The following CIC variants were observed in gnomAD, a reference collection of about 807,000 sequenced individuals.
CIC encodes capicua transcriptional repressor.
Under a neutral mutation model 115.7 loss-of-function variants are expected in CIC, and 18 were observed. The ratio of observed to expected loss-of-function variants is 0.16; its 90% CI spans 0.11 to 0.23. The LOEUF (loss-of-function observed/expected upper bound fraction) is 0.23. CIC is among the 10% of genes least tolerant of loss of function. CIC has a pLI of 1.00. For missense variants in CIC, 2,000 were observed against 2,159.3 expected (o/e 0.93, Z 1.46); for synonymous variants, 1,076 against 923.0 (o/e 1.17, Z -3.01).
chr19:42,289,239 C>T lies in CIC; in HGVS notation c.3920C>T (p.Pro1307Leu), dbSNP rs774267914. The change falls in exon 9 of 21, where the codon CCA becomes CTA. Residue 1307 changes from proline to leucine, a missense_variant. Around this residue, in one of 8 missense-constraint regions of CIC, gnomAD observed 1,466 missense variants for 1,390.4 expected, o/e 1.05. Coordinates refer to ENST00000681038, the MANE Select transcript of CIC (RefSeq NM_001386298.1). ...GPKPSTQYGA[P>L]GPFAAPGEGG... Reference sequence around the variant, plus strand: ...AAGCCTTCTACCCAGTATGGAGCTCCAGGACCCTTTGCAGCCCCTGGTGAG... The same window carrying T: ...AAGCCTTCTACCCAGTATGGAGCTCTAGGACCCTTTGCAGCCCCTGGTGAG... 17 of 1,613,682 alleles carry T rather than the reference C, an allele frequency of 1.1e-5. No homozygotes were observed. The South Asian group carries it at 1.8e-4, about 17-fold the overall frequency.
In CIC at chr19:42,289,869, C is replaced by T. The variant is rs539793517; in HGVS notation, c.4109C>T (p.Thr1370Ile). Residue 1370 changes from threonine (T) to isoleucine (I), a missense_variant, in exon 10 of 21, where the codon ACT becomes ATT. Around this residue, in one of 8 missense-constraint regions of CIC, gnomAD observed 1,466 missense variants for 1,390.4 expected, o/e 1.05. Transcript: ENST00000681038. ...TCAGCTGACGATGGCTTCGGCACCACTGACATTGATCTCAAGTGCAAGGAG... is the reference window on the plus strand; with the variant it reads ...TCAGCTGACGATGGCTTCGGCACCATTGACATTGATCTCAAGTGCAAGGAG... ...DVIADDGFGT[T>I]DIDLKCKERV... The T allele has an allele frequency of 6.2e-7, 1 of 1,607,660 alleles. No individual in the cohort carries two copies.
intron 2 of CIC, chr19:42,284,412 C>G (rs2037451214): frequency 6.9e-6 from 1 of 145,478 alleles, no homozygotes; most frequent in Non-Finnish European, 1.5e-5. Flanking sequence ...GGCCCCCGTG[C>G]CGCGCGCCCC....
rs77843943 is a variant in CIC, at chr19:42,287,365, C to T, written c.3225C>T (p.Pro1075=). The change falls in exon 5 of 21, where the codon CCC becomes CCT. Residue 1075 remains proline (P), a synonymous_variant. Coordinates refer to ENST00000681038, the MANE Select transcript of CIC (RefSeq NM_001386298.1). The surrounding 1 kb of genome is among the most constrained non-coding windows in gnomAD (Gnocchi z 8.7). The stretch of plus-strand genomic sequence containing the variant: ...CTGAGATCCAGTTGCCTCTACCGCC[C>T]GGAAAACGTCGGACCCAGTCCCTCA... The part of the protein sequence containing the change: ...MSPEIQLPLP[P]GKRRTQSLSA... 1,052 of 1,614,114 alleles carry T rather than the reference C, an allele frequency of 6.5e-4. 15 individuals are homozygous for T. In the South Asian group the frequency reaches 0.01, roughly 16 times the overall value.
intron 2 of CIC, chr19:42,284,337 T>TGCCCC (rs1225482152): frequency 3.0e-5 from 4 of 131,368 alleles, no homozygotes; most frequent in African/African-American, 1.1e-4. Context: ...CCGCCCCGCC[T>TGCCCC]GCCCCGCCTG....
At chr19:42,284,034 G>C (rs1356775554) in intron 2 of CIC, 4 of 149,058 alleles carry the variant, frequency 2.7e-5, no homozygotes, top group Non-Finnish European at 4.5e-5. Context: ...GAGGCGCGGC[G>C]GGGGGAGGGG....
chr19:42,293,290 C>T lies in CIC; in HGVS notation c.6522+9C>T, dbSNP rs866539375. ...AGGGCCCTGAGACCATGGTGAGCGC[C>T]TGCAGGCCGTGGGGCTCCCACTGCC... On this transcript the variant is annotated intron_variant, in intron 16 of 20. Coordinates refer to ENST00000681038, the MANE Select transcript of CIC (RefSeq NM_001386298.1). 34 of 1,561,184 alleles carry T rather than the reference C, an allele frequency of 2.2e-5. No homozygotes were observed. Among genetic ancestry groups the T allele is most frequent in the Middle Eastern group, 3.7e-4 (2 of 5,410 alleles).
In CIC at chr19:42,270,446, G is replaced by A. The variant is rs1042828545; in HGVS notation, c.-11+1065G>A. On this transcript the variant is annotated intron_variant, in intron 1 of 20. Coordinates refer to ENST00000681038, the MANE Select transcript of CIC (RefSeq NM_001386298.1). The surrounding 1 kb of genome is among the most constrained non-coding windows in gnomAD (Gnocchi z 4.1). ...AACCCTCCTAGAGGCCTCTGTTTTG[G>A]CCTCTCAGGTTCTCTTAGTCACTTC... is the stretch of plus-strand genomic sequence containing the variant. Among the ~76,000 whole-genome samples the A allele has an allele frequency of 6.6e-6, 1 of 152,226 alleles. No homozygotes were observed.
chr19:42,288,361 A>G (rs1399525415), intron 7 of CIC, among the ~76,000 whole-genome samples: 2 of 152,232 alleles, frequency 1.3e-5, no homozygotes, highest in Non-Finnish European at 2.9e-5. Context: ...TGTAAACCCC[A>G]GTTCGGCGGG....
rs1157637589 is a variant in CIC at position 42,291,209 on chromosome 19, G to A, written c.5168G>A (p.Gly1723Asp). ...GPVPLGILQP[G>D]ALGKAGGITQ... is the part of the protein sequence containing the mutation. ...GTACCCCTGGGCATCCTGCAACCAGGTGCCCTGGGCAAGGCTGGGGGAATC... is the reference window on the plus strand; with the variant it reads ...GTACCCCTGGGCATCCTGCAACCAGATGCCCTGGGCAAGGCTGGGGGAATC... The change falls in exon 11 of 21, where the codon GGT (glycine) becomes GAT (aspartate). Residue 1723 changes from glycine to aspartate, a missense_variant. This residue lies in a region of CIC where 1,466 missense variants were observed against 1,390.4 expected (regional missense o/e 1.05). Transcript: ENST00000681038. The A allele has an allele frequency of 5.0e-6, 8 of 1,610,798 alleles. No homozygotes were observed. Among genetic ancestry groups the A allele is most frequent in the African/African-American group, 1.3e-5 (1 of 74,902 alleles).
rs921993639 is a variant in CIC, at chr19:42,291,364, C to T, written c.5323C>T (p.Leu1775Phe). 13 of 1,612,888 alleles carry T rather than the reference C, an allele frequency of 8.1e-6. No homozygotes were observed. Among genetic ancestry groups the T allele is most frequent in the Admixed American group, 3.3e-5 (2 of 60,020 alleles). Residue 1775 changes from leucine (L) to phenylalanine (F), a missense_variant, in exon 11 of 21, where the codon CTC (leucine) becomes TTC (phenylalanine). By Grantham distance (22) the Leu-to-Phe change is conservative (BLOSUM62 0). This residue lies in a region of CIC where 1,466 missense variants were observed against 1,390.4 expected (regional missense o/e 1.05). Coordinates refer to ENST00000681038, the MANE Select transcript of CIC (RefSeq NM_001386298.1). ...PAPTTSIRFTLPPGTSTNGKV... is the reference protein window; with the variant it reads ...PAPTTSIRFTFPPGTSTNGKV... ...ACCCACCACCAGCATCCGTTTCACC[C>T]TCCCACCGGGCACTTCCACCAACGG...
Position 42,272,698 on chromosome 19 carries a change from C to G in CIC, c.915C>G (p.Ser305Arg), listed in dbSNP as rs1298189295. ...AYKVRLSPGP[S>R]SQPGLPGSLP... ...AGGTCCGTCTCAGCCCTGGCCCCAG[C>G]TCCCAGCCAGGCCTACCAGGCAGCC... Residue 305 changes from serine to arginine, a missense_variant, in exon 2 of 21, where the codon AGC (serine) becomes AGG (arginine). Coordinates refer to ENST00000681038, the MANE Select transcript of CIC (RefSeq NM_001386298.1). The G allele has an allele frequency of 2.5e-6, 1 of 398,808 alleles. No individual in the cohort carries two copies. The highest frequency in any genetic ancestry group is 4.4e-6 in the Non-Finnish European group (1 of 226,326). 24.7% of individuals were successfully genotyped at this position (398,808 alleles called of 1,614,324 possible). A position where few individuals can be genotyped will look rare whatever the true frequency, so the allele number is the denominator to read the frequency against.
At position 42,273,449 on chromosome 19, in the gene CIC, A is replaced by T. The variant is rs913598322; in HGVS notation, c.1666A>T (p.Thr556Ser). 1 of 398,366 alleles carries T rather than the reference A, an allele frequency of 2.5e-6. No homozygotes were observed. The highest frequency in any genetic ancestry group is 2.1e-5 in the African/African-American group (1 of 48,604). 24.7% of individuals were successfully genotyped at this position (398,366 alleles called of 1,614,324 possible). ...GGCCGTGGCAGCCCGTGAGGGCAGC[A>T]CGGAGTTTGACTGGGGTGATGAGAC... The part of the protein sequence containing the change: ...PAAVAAREGS[T>S]EFDWGDETSR... Residue 556 changes from threonine (T) to serine (S), a missense_variant, in exon 2 of 21, where the codon ACG becomes TCG. Around this residue, in one of 8 missense-constraint regions of CIC, gnomAD observed 222 missense variants for 247.7 expected, o/e 0.90. Transcript: ENST00000681038.
chr19:42,292,068 G>A lies in CIC; in HGVS notation c.5614-18G>A. 1 of 1,613,228 alleles carries A rather than the reference G, an allele frequency of 6.2e-7. No individual in the cohort carries two copies. Among genetic ancestry groups the A allele is most frequent in the Non-Finnish European group, 8.5e-7 (1 of 1,179,986 alleles). On this transcript the variant is annotated intron_variant, in intron 12 of 20. Coordinates refer to ENST00000681038, the MANE Select transcript of CIC (RefSeq NM_001386298.1). ...GGGGCCACAGCTCACCCTGGCCTAT[G>A]GGTGCCCTTCTCCACAGATCATCCA...
Position 42,274,171 on chromosome 19 carries a change from G to T in CIC, c.2388G>T (p.Gly796=), listed in dbSNP as rs1283964214. 3 of 399,038 alleles carry T rather than the reference G, an allele frequency of 7.5e-6. No individual in the cohort carries two copies. The highest frequency in any genetic ancestry group is 1.3e-5 in the Non-Finnish European group (3 of 226,434). The allele number at this position is 399,038 out of a possible 1,614,324, so 24.7% of individuals were successfully genotyped here. A position where few individuals can be genotyped will look rare whatever the true frequency, so the allele number is the denominator to read the frequency against. Residue 796 remains glycine (G), a synonymous_variant, in exon 2 of 21, where the codon GGG becomes GGT. Coordinates refer to ENST00000681038, the MANE Select transcript of CIC (RefSeq NM_001386298.1). ...PPPAGLTSDP[G]PSVRRVPAVQ... ...CTGCCGGCCTGACCTCGGATCCAGG[G>T]CCCTCTGTGCGCAGGGTGCCTGCTG...
rs1245267126 is a variant in CIC at position 42,289,210 on chromosome 19, C to T, written c.3891C>T (p.Gly1297=). Residue 1297 remains glycine (G), a synonymous_variant, in exon 9 of 21, where the codon GGC becomes GGT. Transcript: ENST00000681038. ...TGTCTGGCCCTGCATCGTACTCTGGCCCAAAGCCTTCTACCCAGTATGGAG... is the reference window on the plus strand; with the variant it reads ...TGTCTGGCCCTGCATCGTACTCTGGTCCAAAGCCTTCTACCCAGTATGGAG... The part of the protein sequence containing the change: ...QMVSGPASYS[G]PKPSTQYGAP... 4 of 1,613,328 alleles carry T rather than the reference C, an allele frequency of 2.5e-6. No homozygotes were observed. Among genetic ancestry groups the T allele is most frequent in the South Asian group, 1.1e-5 (1 of 91,090 alleles).
chr19:42,291,427 C>T lies in CIC; in HGVS notation c.5386C>T (p.Pro1796Ser). ...LAATAPTPGI[P>S]ILQSVPSAPP... is the part of the protein sequence containing the mutation. The stretch of plus-strand genomic sequence containing the variant: ...TGCCACTGCACCCACTCCTGGCATC[C>T]CCATCCTGCAGTCTGTACCCTCCGC... Residue 1796 changes from proline to serine, a missense_variant, in exon 11 of 21, where the codon CCC becomes TCC. By Grantham distance (74) the Pro-to-Ser change is moderately conservative. Transcript: ENST00000681038. The T allele has an allele frequency of 6.2e-7, 1 of 1,613,078 alleles. No individual in the cohort carries two copies.
In CIC at chr19:42,274,315, T is replaced by C. The variant is rs977919339; in HGVS notation, c.2532T>C (p.Arg844=). The change falls in exon 2 of 21, where the codon CGT becomes CGC. Residue 844 remains arginine (R), a synonymous_variant. Transcript: ENST00000681038. ...VRAGGPGRGC[R]ETPVPPGVAS... ...CTGGGGGACCTGGGCGGGGCTGCCG[T>C]GAAACCCCAGTGCCCCCTGGGGTGG... is the stretch of plus-strand genomic sequence containing the variant. 2.5e-6 allele frequency: 1 copy of C among 398,532 alleles called. No individual in the cohort carries two copies. The highest frequency in any genetic ancestry group is 4.4e-5 in the Admixed American group (1 of 22,738). 24.7% of individuals were successfully genotyped at this position (398,532 alleles called of 1,614,324 possible).
Position 42,286,692 on chromosome 19 carries a change from A to G in CIC, c.2795-79A>G, listed in dbSNP as rs1027583374. ...TAGACAAAAGGGGTGGGGCTACCTC[A>G]TCTAGGGTGGGGAAGAGCTTGAGTT... On this transcript the variant is annotated intron_variant, in intron 2 of 20. Coordinates refer to ENST00000681038, the MANE Select transcript of CIC (RefSeq NM_001386298.1). 11 of 1,593,636 alleles carry G rather than the reference A, an allele frequency of 6.9e-6. No individual in the cohort carries two copies. The African/African-American group carries it at 1.1e-4, about 16-fold the overall frequency.
chr19:42,287,044 C>T lies in CIC; in HGVS notation c.2983C>T (p.Pro995Ser), dbSNP rs1264663293. 3.1e-6 allele frequency: 5 copies of T among 1,611,830 alleles called. No individual in the cohort carries two copies. Among genetic ancestry groups the T allele is most frequent in the East Asian group, 2.2e-5 (1 of 44,902 alleles). The part of the protein sequence containing the change: ...ESAAVAHERP[P>S]GGTGSADPER... ...GGCAGCTGTTGCTCATGAACGGCCACCAGGTGGGACAGGGAGTGCTGACCC... is the reference window on the plus strand; with the variant it reads ...GGCAGCTGTTGCTCATGAACGGCCATCAGGTGGGACAGGGAGTGCTGACCC... Residue 995 changes from proline (P) to serine (S), a missense_variant, in exon 4 of 21, where the codon CCA becomes TCA. Around this residue, in one of 8 missense-constraint regions of CIC, gnomAD observed 222 missense variants for 247.7 expected, o/e 0.90. Transcript: ENST00000681038. The surrounding 1 kb of genome is among the most constrained non-coding windows in gnomAD (Gnocchi z 8.7).
Sources: gnomAD v4.1 joint callset for allele counts (sites outside exome capture counted in the v4.1 genomes callset) on GRCh38, gnomAD v4.1.1 for gene constraint, gnomAD v4.1.1 regional missense constraint, Gnocchi (gnomAD v3.1) non-coding constraint, MANE v1.5 for transcripts, NCBI Gene and HGNC (gene_info 2026-07-23, HGNC 2026-07-21) for gene names.